The following TNNI3K variants were observed in gnomAD, a reference collection of about 807,000 sequenced individuals.
TNNI3K encodes the protein serine/threonine-protein kinase TNNI3K.
TNNI3K carries 140 observed loss-of-function variants against 114.5 expected under a neutral mutation model. That is an observed-to-expected ratio of 1.22 (90% confidence interval 1.07 to 1.41). The LOEUF is 1.41. TNNI3K is among the 40% of genes most tolerant of loss of function. TNNI3K has a pLI of 0.00. For missense variants in TNNI3K, 1,125 were observed against 1,007.6 expected (o/e 1.12, Z -1.58); for synonymous variants, 347 against 347.5 (o/e 1.00, Z 0.02).
At chr1:74,469,410 T>C (rs563604867) in intron 21 of TNNI3K, 3 of 152,904 alleles carry the variant, frequency 2.0e-5, no homozygotes, top group East Asian at 1.9e-4. Flanking sequence ...ATTTTCATAC[T>C]ATAATTAGGA....
At chr1:74,311,144 T>G (rs1658971899) in intron 5 of TNNI3K, among the ~76,000 whole-genome samples, 1 of 152,196 alleles carries the variant, frequency 6.6e-6, no homozygotes. Context: ...ATCATTACTT[T>G]TGAACTATGT....
At chr1:74,371,296 A>G (rs905017450) in intron 17 of TNNI3K, 1 of 151,834 alleles carries the variant, frequency 6.6e-6, no homozygotes, top group East Asian at 1.9e-4. Flanking sequence ...TTTAAAGACT[A>G]TTTTCAGCAC....
chr1:74,520,667 G>A (rs1055269259), intron 23 of TNNI3K, among the ~76,000 whole-genome samples: 2 of 152,018 alleles, frequency 1.3e-5, no homozygotes, highest in African/African-American at 4.8e-5. Context: ...TGTATGGTCT[G>A]CTTCCATTTT....
intron 18 of TNNI3K, 98 bp downstream of exon 18, chr1:74,436,230 C>T: frequency 1.4e-6 from 2 of 1,468,908 alleles, no homozygotes. Context: ...TGAACACTGA[C>T]AGCTATACTA....
intron 21 of TNNI3K, chr1:74,475,875 G>A (rs1668180780): frequency 1.9e-6 from 1 of 534,238 alleles, no homozygotes; most frequent in Admixed American, 3.5e-5. Flanking sequence ...ATCATCAAAT[G>A]TAAAAACCAC....
intron 9 of TNNI3K, among the ~76,000 whole-genome samples, chr1:74,344,164 A>G (rs1215196590): frequency 6.6e-6 from 1 of 152,190 alleles, no homozygotes; most frequent in African/African-American, 2.4e-5. Flanking sequence ...AACCTGTCAA[A>G]TTTCACATAC....
intron 23 of TNNI3K, among the ~76,000 whole-genome samples, chr1:74,522,858 C>T (rs752035619): frequency 1.5e-4 from 23 of 152,214 alleles, no homozygotes; most frequent in Non-Finnish European, 3.4e-4. Flanking sequence ...CAAGATTAAA[C>T]TGTGAACACA....
intron 21 of TNNI3K, chr1:74,464,700 T>C (rs1330130780): frequency 6.3e-7 from 1 of 1,593,660 alleles, no homozygotes; most frequent in Non-Finnish European, 8.5e-7. Flanking sequence ...AGAAGAAAAA[T>C]GAAGATCGTT....
chr1:74,490,050 TAAAAAAAAAA>T (rs36063099), intron 22 of TNNI3K, among the ~76,000 whole-genome samples: 2 of 42,892 alleles, frequency 4.7e-5, no homozygotes, highest in East Asian at 7.6e-4. Flanking sequence ...TTTTTTTTTC[TAAAAAAAAAA>T]AAAAAAAAAA....
intron 24 of TNNI3K, among the ~76,000 whole-genome samples, chr1:74,542,620 A>G (rs1646739674): frequency 6.6e-6 from 1 of 152,186 alleles, no homozygotes. Context: ...GCTACCTAAG[A>G]TATTTTGACA....
chr1:74,334,821 GGA>G (rs1660384535), intron 6 of TNNI3K, among the ~76,000 whole-genome samples: 1 of 152,164 alleles, frequency 6.6e-6, no homozygotes, highest in Admixed American at 6.5e-5. Flanking sequence ...CTGGCCAGAA[GGA>G]GACTTTGGAA....
At chr1:74,471,192 A>C (rs1667916189) in intron 21 of TNNI3K, 1 of 400,540 alleles carries the variant, frequency 2.5e-6, no homozygotes, top group Non-Finnish European at 4.4e-6. Flanking sequence ...AGTTGTTAGC[A>C]CTGAGCAGGG....
intron 5 of TNNI3K, among the ~76,000 whole-genome samples, chr1:74,282,999 T>C (rs1452532020): frequency 1.3e-5 from 2 of 152,368 alleles, no homozygotes; most frequent in Middle Eastern, 3.4e-3. Context: ...TAATGATTGA[T>C]AGGTATTATA....
chr1:74,425,987 GA>G lies in TNNI3K; in HGVS notation c.1773-10090del, dbSNP rs1282979635. On this transcript the variant is annotated intron_variant, in intron 17 of 24. Coordinates refer to ENST00000326637, the MANE Select transcript of TNNI3K (RefSeq NM_015978.3). ...GCTTCTCAGCAACTGAAGAGACGCT[GA>G]AAGGTTCAGTGAATTTAAAAAAAAA... 3.9e-5 allele frequency among the ~76,000 whole-genome samples: 4 copies of G among 102,670 alleles called. No individual in the cohort carries two copies. In the East Asian group the frequency reaches 1.2e-3, roughly 31 times the overall value. 67.4% of individuals were successfully genotyped at this position (102,670 alleles called of 152,430 possible). A position where few individuals can be genotyped will look rare whatever the true frequency, so the allele number is the denominator to read the frequency against.
At chr1:74,385,708 C>A (rs954185196) in intron 17 of TNNI3K, among the ~76,000 whole-genome samples, 1 of 152,138 alleles carries the variant, frequency 6.6e-6, no homozygotes, top group Non-Finnish European at 1.5e-5. Context: ...AGAGTTCAGT[C>A]CAAGCACCAT....
intron 17 of TNNI3K, among the ~76,000 whole-genome samples, chr1:74,393,177 A>G (rs919168321): frequency 6.6e-6 from 1 of 152,112 alleles, no homozygotes; most frequent in African/African-American, 2.4e-5. Context: ...GTTTTCTTCA[A>G]TTTTATTCTA....
chr1:74,323,138 C>A (rs966185359), intron 5 of TNNI3K, among the ~76,000 whole-genome samples: 11 of 151,812 alleles, frequency 7.2e-5, no homozygotes, highest in African/African-American at 2.7e-4. Flanking sequence ...GTCCTTTTTA[C>A]AAATATGCTG....
chr1:74,333,966 C>A (rs528511992), intron 6 of TNNI3K, among the ~76,000 whole-genome samples: 7 of 152,324 alleles, frequency 4.6e-5, no homozygotes, highest in Non-Finnish European at 7.3e-5. Context: ...TGAATTAAGT[C>A]TTGATCTGCC....
chr1:74,534,913 C>T (rs1646641491), intron 23 of TNNI3K, among the ~76,000 whole-genome samples: 1 of 152,240 alleles, frequency 6.6e-6, no homozygotes, highest in East Asian at 1.9e-4. Flanking sequence ...TGCAATGGTT[C>T]CTTCAGGCAT....
Sources: allele counts gnomAD v4.1 joint callset (sites outside exome capture counted in the v4.1 genomes callset), GRCh38; gene constraint gnomAD v4.1.1; transcripts MANE v1.5; gene names NCBI Gene and HGNC (gene_info 2026-07-23, HGNC 2026-07-21).